Variants in CTNNA2 observed in about 807,000 individuals in gnomAD.
CTNNA2 encodes the protein catenin alpha 2.
A neutral mutation model predicts 101.0 loss-of-function variants in CTNNA2; 42 were observed. The observed-to-expected ratio is 0.42, with a 90% CI of 0.32 to 0.54. The LOEUF is 0.54. CTNNA2 is among the 20% of genes least tolerant of loss of function. The pLI, the probability that CTNNA2 is intolerant of heterozygous loss-of-function variation, is 0.14. For synonymous variants in CTNNA2, 450 were observed against 456.4 expected, an observed-to-expected ratio of 0.99 and a Z score of 0.18; for missense variants, 871 against 1,223.1, an observed-to-expected ratio of 0.71 and a Z score of 4.29.
intron 7 of CTNNA2, among the ~76,000 whole-genome samples, chr2:80,145,305 A>C (rs1158666474): frequency 2.0e-5 from 3 of 152,148 alleles, no homozygotes; most frequent in Non-Finnish European, 4.4e-5. Flanking sequence ...ATCTACACTC[A>C]AAGCATTTTT....
At chr2:79,229,060 G>C (rs1674457002) in intron 2 of CTNNA2, among the ~76,000 whole-genome samples, 1 of 152,156 alleles carries the variant, frequency 6.6e-6, no homozygotes, top group Admixed American at 6.6e-5. Context: ...AAGGTCAAAA[G>C]TATGTAGTCA....
intron 9 of CTNNA2, among the ~76,000 whole-genome samples, chr2:80,454,467 G>A (rs1683791100): frequency 6.6e-6 from 1 of 152,200 alleles, no homozygotes; most frequent in Non-Finnish European, 1.5e-5. Flanking sequence ...CATCCCCAAA[G>A]AGACAATATG....
At chr2:79,806,432 A>G (rs1485652212) in intron 3 of CTNNA2, among the ~76,000 whole-genome samples, 1 of 152,086 alleles carries the variant, frequency 6.6e-6, no homozygotes. Context: ...TAAAATAGAG[A>G]ATGAAGTTTT....
At chr2:79,800,201 CAA>C in intron 3 of CTNNA2, among the ~76,000 whole-genome samples, 1 of 152,174 alleles carries the variant, frequency 6.6e-6, no homozygotes, top group South Asian at 2.1e-4. Flanking sequence ...ATTTTTATAT[CAA>C]GAGATTTTAC....
At chr2:79,211,892 C>T (rs536543114) in intron 2 of CTNNA2, among the ~76,000 whole-genome samples, 221 of 152,068 alleles carry the variant, frequency 1.5e-3, no homozygotes, top group African/African-American at 5.1e-3. Flanking sequence ...GGATTAGGGG[C>T]GGCGCGGGAA....
chr2:79,284,414 A>T (rs1240220100), intron 2 of CTNNA2, among the ~76,000 whole-genome samples: 1 of 145,890 alleles, frequency 6.9e-6, no homozygotes, highest in South Asian at 2.3e-4. Context: ...GATAGCTCTT[A>T]TTATTTTGAA....
chr2:80,577,318 A>G lies in CTNNA2; in HGVS notation c.1893+3004A>G, dbSNP rs115382158. ...GGGATAGAGCTTCTGGTGGGCATGG[A>G]TCTCATGAAAGGAGGTACCTGGGTG... On this transcript the variant is annotated intron_variant, in intron 13 of 18. Transcript: ENST00000402739. Among the ~76,000 whole-genome samples the G allele has an allele frequency of 5.9e-3, 905 of 152,166 alleles. 7 individuals carry two copies. Among genetic ancestry groups the G allele is most frequent in the African/African-American group, 0.021 (859 of 41,528 alleles).
At chr2:79,813,908 C>T (rs1239162733) in intron 3 of CTNNA2, among the ~76,000 whole-genome samples, 1 of 152,132 alleles carries the variant, frequency 6.6e-6, no homozygotes, top group Admixed American at 6.6e-5. Context: ...AAGGTGTTTG[C>T]AGGGGCATGC....
At chr2:80,124,679 A>G (rs1263003850) in intron 7 of CTNNA2, among the ~76,000 whole-genome samples, 3 of 152,184 alleles carry the variant, frequency 2.0e-5, no homozygotes, top group Admixed American at 2.0e-4. Context: ...GACCTGGTCA[A>G]ATTGTGAATA....
intron 3 of CTNNA2, among the ~76,000 whole-genome samples, chr2:79,826,323 CAG>C (rs1266032900): frequency 6.6e-6 from 1 of 152,194 alleles, no homozygotes; most frequent in Non-Finnish European, 1.5e-5. Flanking sequence ...CGATAACAGT[CAG>C]ATGAAATTAT....
At chr2:79,384,376 T>TTCTCTCTCTC (rs11267995) in intron 4 of CTNNA2, among the ~76,000 whole-genome samples, 9 of 104,600 alleles carry the variant, frequency 8.6e-5, no homozygotes, top group African/African-American at 2.8e-4. Context: ...TGCATATTTC[T>TTCTCTCTCTC]TCTCTCTCTC....
intron 3 of CTNNA2, among the ~76,000 whole-genome samples, chr2:79,778,798 GT>G (rs1201317896): frequency 6.6e-6 from 1 of 152,106 alleles, no homozygotes; most frequent in Non-Finnish European, 1.5e-5. Flanking sequence ...AGGCAAAGTT[GT>G]TTTTATATAA....
intron 3 of CTNNA2, among the ~76,000 whole-genome samples, chr2:79,783,667 C>G (rs1299509077): frequency 6.6e-6 from 1 of 152,092 alleles, no homozygotes. Context: ...TCCAGGACTT[C>G]CCTCCCTTCA....
At chr2:80,105,839 G>A (rs565847949) in intron 7 of CTNNA2, among the ~76,000 whole-genome samples, 10 of 152,256 alleles carry the variant, frequency 6.6e-5, no homozygotes, top group African/African-American at 1.9e-4. Context: ...AGAATCATGT[G>A]TGTGTTTCAC....
rs75604588 is a variant in CTNNA2 at position 79,845,877 on chromosome 2, C to G, written c.299-12136C>G. 1.6e-3 allele frequency among the ~76,000 whole-genome samples: 251 copies of G among 152,244 alleles called. 1 individual carries two copies. The highest frequency in any genetic ancestry group is 6.0e-3 in the African/African-American group (248 of 41,560). On this transcript the variant is annotated intron_variant, in intron 3 of 18. Transcript: ENST00000402739. Reference sequence around the variant, plus strand: ...AAATGTTATGTCTTCTTTAAATCCTCTTAATATAGGAAATAGAATGGTGGT... The same window carrying G: ...AAATGTTATGTCTTCTTTAAATCCTGTTAATATAGGAAATAGAATGGTGGT...
At chr2:79,847,542 C>CAAAAAAAAAA (rs70940050) in intron 3 of CTNNA2, among the ~76,000 whole-genome samples, 1 of 40,158 alleles carries the variant, frequency 2.5e-5, no homozygotes, top group Admixed American at 5.8e-4. Flanking sequence ...GACTCTGTCT[C>CAAAAAAAAAA]AAAAAAAAAA....
chr2:79,973,903 T>C (rs1024107968), intron 7 of CTNNA2, among the ~76,000 whole-genome samples: 1 of 152,022 alleles, frequency 6.6e-6, no homozygotes, highest in African/African-American at 2.4e-5. Flanking sequence ...AAAGTATTTG[T>C]CAATCAAAGT....
At chr2:79,353,892 C>T (rs1199947765) in intron 3 of CTNNA2, among the ~76,000 whole-genome samples, 2 of 152,064 alleles carry the variant, frequency 1.3e-5, no homozygotes, top group African/African-American at 4.8e-5. Flanking sequence ...TGTTTGCTTG[C>T]TTGTCTGAAA....
chr2:79,285,360 G>A (rs753045881), intron 2 of CTNNA2, among the ~76,000 whole-genome samples: 64 of 149,532 alleles, frequency 4.3e-4, no homozygotes, highest in African/African-American at 1.2e-3. Flanking sequence ...TGTCAATTTT[G>A]GATCTTTCCT....
Sources: allele counts gnomAD v4.1 joint callset (sites outside exome capture counted in the v4.1 genomes callset), GRCh38; gene constraint gnomAD v4.1.1; transcripts MANE v1.5; gene names NCBI Gene and HGNC (gene_info 2026-07-23, HGNC 2026-07-21).